The following UNC80 variants were observed in gnomAD, a reference collection of about 807,000 sequenced individuals.
UNC80 encodes unc-80 subunit of NALCN channel complex.
A neutral mutation model predicts 384.6 loss-of-function variants in UNC80; 164 were observed. That is an observed-to-expected ratio of 0.43 (90% CI 0.38 to 0.49). The LOEUF is 0.49. UNC80 is among the 20% of genes least tolerant of loss of function. UNC80 has a pLI of 0.00. For synonymous variants in UNC80, 1,486 were observed against 1,527.8 expected, an observed-to-expected ratio of 0.97 and a Z score of 0.64; for missense variants, 3,330 against 4,143.0, an observed-to-expected ratio of 0.80 and a Z score of 5.39.
intron 7 of UNC80, chr2:209,809,498 G>T: frequency 3.3e-6 from 4 of 1,223,556 alleles, no homozygotes; most frequent in Non-Finnish European, 4.8e-6. Flanking sequence ...AAGTACCAGT[G>T]CCAGGCGTGC....
intron 8 of UNC80, among the ~76,000 whole-genome samples, chr2:209,814,177 C>T (rs1301095409): frequency 6.6e-6 from 1 of 151,900 alleles, no homozygotes; most frequent in Non-Finnish European, 1.5e-5. Context: ...ATCATAAAAT[C>T]TGTAACATAG....
At chr2:209,922,744 T>C (rs4490116) in intron 35 of UNC80, among the ~76,000 whole-genome samples, 149,900 of 152,288 alleles carry the variant, frequency 0.98, 73,778 homozygotes, top group East Asian at 1. Flanking sequence ...AGGGTAGGAC[T>C]CATCAGTGTT....
chr2:209,914,113 G>T (rs866265675), intron 31 of UNC80, among the ~76,000 whole-genome samples, 173 bp downstream of exon 31: 23 of 152,352 alleles, frequency 1.5e-4, no homozygotes, highest in Middle Eastern at 3.4e-3. Context: ...CCCAGGGTTT[G>T]TGTGCTCCCT....
In UNC80 at chr2:209,997,038, AC is replaced by A. The variant is rs951626616; in HGVS notation, c.*1445del. On this transcript the variant is annotated 3_prime_UTR_variant, in exon 65 of 65. Transcript: ENST00000673920. ...AAATGTATACATATATAAAGAGGAT[AC>A]CTACTAAACCCACCTTAATCATAAA... 2.0e-5 allele frequency: 3 copies of A among 152,150 alleles called. No homozygotes were observed. The highest frequency in any genetic ancestry group is 2.0e-4 in the Admixed American group (3 of 15,258). 9.4% of individuals were successfully genotyped at this position (152,150 alleles called of 1,614,324 possible).
intron 13 of UNC80, among the ~76,000 whole-genome samples, chr2:209,822,219 C>T (rs969338781): frequency 6.6e-6 from 1 of 152,176 alleles, no homozygotes; most frequent in Non-Finnish European, 1.5e-5. Context: ...TAAGGCAATT[C>T]TAACAAACTA....
At chr2:209,975,385 T>C (rs904211451) in intron 56 of UNC80, among the ~76,000 whole-genome samples, 2 of 152,188 alleles carry the variant, frequency 1.3e-5, no homozygotes, top group African/African-American at 4.8e-5. Context: ...TTGGGAAATC[T>C]GCTTCCTGAA....
intron 25 of UNC80, among the ~76,000 whole-genome samples, chr2:209,882,257 G>A (rs1304933010): frequency 6.6e-6 from 1 of 151,958 alleles, no homozygotes; most frequent in Non-Finnish European, 1.5e-5. Context: ...GAGCCACCGC[G>A]CCTGGCCACG....
Position 209,904,924 on chromosome 2 carries a change from A to G in UNC80, c.4741A>G (p.Asn1581Asp), listed in dbSNP as rs1574961651. ...TGTGGACTCCCTGAGGGAAAGCAGC[A>G]ACATCAGCAGTGTGGCTCTCCGGGG... ...DSVDSLRESS[N>D]ISSVALRGKK... The change falls in exon 29 of 65, where the codon AAC becomes GAC. Residue 1581 changes from asparagine to aspartate, a missense_variant. Around this residue, in one of 8 missense-constraint regions of UNC80, gnomAD observed 801 missense variants for 950.8 expected, o/e 0.84. Transcript: ENST00000673920. The G allele has an allele frequency of 6.4e-7, 1 of 1,551,756 alleles. No individual in the cohort carries two copies. The highest frequency in any genetic ancestry group is 8.7e-7 in the Non-Finnish European group (1 of 1,147,000).
intron 28 of UNC80, among the ~76,000 whole-genome samples, chr2:209,900,821 T>C (rs1022176912): frequency 8.5e-5 from 13 of 152,324 alleles, no homozygotes; most frequent in East Asian, 7.7e-4. Flanking sequence ...AACAGTGTAA[T>C]TGCCGATATG....
At chr2:209,905,017 A>G in intron 29 of UNC80, 52 bp downstream of exon 29, 1 of 1,529,698 alleles carries the variant, frequency 6.5e-7, no homozygotes, top group Non-Finnish European at 8.9e-7. Context: ...ATGATGTCAT[A>G]ACAATTTCTT....
chr2:209,831,311 G>A, intron 15 of UNC80, 132 bp from the exon 16 acceptor site: 3 of 888,130 alleles, frequency 3.4e-6, no homozygotes, highest in East Asian at 2.9e-5. Context: ...TAAACCTGGG[G>A]CATCTTTAAT....
At chr2:209,915,392 G>A (rs6710863) in intron 31 of UNC80, among the ~76,000 whole-genome samples, 5,572 of 136,050 alleles carry the variant, frequency 0.041, 394 homozygotes, top group African/African-American at 0.15. Context: ...GCGACAGAGT[G>A]AGACTCTGTC....
At chr2:209,797,845 C>T (rs942122776) in intron 7 of UNC80, among the ~76,000 whole-genome samples, 4 of 152,114 alleles carry the variant, frequency 2.6e-5, no homozygotes, top group African/African-American at 9.7e-5. Context: ...TTTTGAAAAT[C>T]GCCATTCTGA....
chr2:209,883,406 C>T (rs1218836448), intron 25 of UNC80, among the ~76,000 whole-genome samples: 1 of 150,274 alleles, frequency 6.7e-6, no homozygotes, highest in Non-Finnish European at 1.5e-5. Flanking sequence ...CACCAAGTCC[C>T]TGGCAACCAC....
Position 209,872,320 on chromosome 2 carries a change from G to A in UNC80, c.3628-438G>A, listed in dbSNP as rs1415198961. Among the ~76,000 whole-genome samples, 5 of 152,060 alleles carry A rather than the reference G, an allele frequency of 3.3e-5. No homozygotes were observed. Among genetic ancestry groups the A allele is most frequent in the East Asian group, 1.9e-4 (1 of 5,198 alleles). ...TTGCTGGTACAAAATTACTTCTGACGCTCTTGGTTAAAATAAGACTGGTTC... is the reference window on the plus strand; with the variant it reads ...TTGCTGGTACAAAATTACTTCTGACACTCTTGGTTAAAATAAGACTGGTTC... On this transcript the variant is annotated intron_variant, in intron 22 of 64. Coordinates refer to ENST00000673920, the MANE Select transcript of UNC80 (RefSeq NM_001371986.1). This position sits in a 1 kb window ranked among gnomAD's most constrained non-coding sequence, Gnocchi z 4.1.
intron 29 of UNC80, among the ~76,000 whole-genome samples, chr2:209,911,089 C>G (rs939874862): frequency 6.6e-6 from 1 of 152,056 alleles, no homozygotes; most frequent in African/African-American, 2.4e-5. Flanking sequence ...GGGAAACTTA[C>G]AATCATGGTG....
chr2:209,879,894 C>G (rs888225548), intron 24 of UNC80, among the ~76,000 whole-genome samples: 7 of 152,134 alleles, frequency 4.6e-5, no homozygotes, highest in African/African-American at 1.7e-4. Context: ...TAAATATCTA[C>G]AGAAAGACCG....
At chr2:209,866,527 C>CACACAT (rs1553556924) in intron 22 of UNC80, among the ~76,000 whole-genome samples, 4,935 of 90,542 alleles carry the variant, frequency 0.055, 90 homozygotes, top group African/African-American at 0.11. Flanking sequence ...CACACACACA[C>CACACAT]ACACACAGAG....
At chr2:209,960,480 C>CA (rs2092555676) in intron 51 of UNC80, among the ~76,000 whole-genome samples, 1 of 152,084 alleles carries the variant, frequency 6.6e-6, no homozygotes. Context: ...AAAATCCCTT[C>CA]AAAGAAAAAT....
Sources: allele counts gnomAD v4.1 joint callset (sites outside exome capture counted in the v4.1 genomes callset), GRCh38; gene constraint gnomAD v4.1.1; regional missense constraint gnomAD v4.1.1; non-coding constraint Gnocchi (gnomAD v3.1); transcripts MANE v1.5; gene names NCBI Gene and HGNC (gene_info 2026-07-23, HGNC 2026-07-21).